PDE5A: variants seen among roughly 807,000 people sequenced by gnomAD.
The protein encoded by PDE5A is phosphodiesterase 5A.
PDE5A carries 67 observed loss-of-function variants against 110.2 expected under a neutral mutation model. The observed-to-expected ratio is 0.61, with a 90% CI of 0.50 to 0.75. The LOEUF (loss-of-function observed/expected upper bound fraction) is 0.75. PDE5A is among the 30% of genes least tolerant of loss of function. The pLI is 0.00. For synonymous variants in PDE5A, 328 were observed against 351.2 expected (o/e 0.93, Z 0.74); for missense variants, 862 against 1,045.1 (o/e 0.82, Z 2.42).
chr4:119,585,973 C>T (rs977933721), intron 3 of PDE5A, among the ~76,000 whole-genome samples: 2 of 152,162 alleles, frequency 1.3e-5, no homozygotes, highest in Admixed American at 6.5e-5. Flanking sequence ...GATGATCAAG[C>T]ATAAGTCATG....
At chr4:119,546,460 A>G (rs1377122750) in intron 9 of PDE5A, among the ~76,000 whole-genome samples, 2 of 152,100 alleles carry the variant, frequency 1.3e-5, no homozygotes, top group Non-Finnish European at 2.9e-5. Context: ...TGTTTCATCA[A>G]TCTTGGCATG....
intron 3 of PDE5A, among the ~76,000 whole-genome samples, chr4:119,578,751 G>C (rs1391934945): frequency 6.6e-6 from 1 of 152,084 alleles, no homozygotes; most frequent in Non-Finnish European, 1.5e-5. Context: ...GAAAACCTAG[G>C]CAATACCATT....
Position 119,596,633 on chromosome 4 carries a change from C to A in PDE5A, c.742-21G>T, listed in dbSNP as rs200409890. ...GGATCCTAGTATGGAAAAAGAAATT[C>A]AATTTAATGACTGACCTGTTCAAAG... On this transcript the variant is annotated intron_variant, in intron 2 of 20. Coordinates refer to ENST00000354960, the MANE Select transcript of PDE5A (RefSeq NM_001083.4). The A allele has an allele frequency of 3.2e-5, 44 of 1,356,460 alleles. No individual in the cohort carries two copies. The South Asian group carries it at 5.3e-4, about 16-fold the overall frequency. 84.0% of individuals were successfully genotyped at this position (1,356,460 alleles called of 1,614,324 possible). A position where few individuals can be genotyped will look rare whatever the true frequency, so the allele number is the denominator to read the frequency against.
chr4:119,512,262 T>C (rs907532517), intron 14 of PDE5A: 2 of 152,106 alleles, frequency 1.3e-5, no homozygotes, highest in East Asian at 3.9e-4. Flanking sequence ...ATTCTTATTG[T>C]TTAAAGTGTT....
At chr4:119,569,448 T>C (rs1172928554) in intron 3 of PDE5A, among the ~76,000 whole-genome samples, 3 of 152,144 alleles carry the variant, frequency 2.0e-5, no homozygotes, top group Middle Eastern at 3.4e-3. Flanking sequence ...ATGCATTATA[T>C]ACATGTAACA....
chr4:119,615,864 T>C (rs1729923961), intron 1 of PDE5A, among the ~76,000 whole-genome samples: 1 of 152,122 alleles, frequency 6.6e-6, no homozygotes, highest in African/African-American at 2.4e-5. Flanking sequence ...AAGCTATTAA[T>C]GAAAGACAAC....
At chr4:119,535,589 T>A (rs1031874145) in intron 11 of PDE5A, among the ~76,000 whole-genome samples, 1 of 152,156 alleles carries the variant, frequency 6.6e-6, no homozygotes, top group Non-Finnish European at 1.5e-5. Flanking sequence ...TATTATTATC[T>A]CCGCAACTTG....
At chr4:119,613,394 T>A (rs1452561138) in intron 1 of PDE5A, among the ~76,000 whole-genome samples, 1 of 152,172 alleles carries the variant, frequency 6.6e-6, no homozygotes, top group Non-Finnish European at 1.5e-5. Context: ...GAACGAATTA[T>A]TCCCATAAGA....
chr4:119,516,614 T>G (rs1283979867), intron 14 of PDE5A, among the ~76,000 whole-genome samples: 1 of 151,630 alleles, frequency 6.6e-6, no homozygotes, highest in Non-Finnish European at 1.5e-5. Flanking sequence ...TCAGTATCTA[T>G]CTGAGATCAT....
rs184349758 is a variant in PDE5A at position 119,596,264 on chromosome 4, C to T, written c.831+259G>A. On this transcript the variant is annotated intron_variant, in intron 3 of 20. Coordinates refer to ENST00000354960, the MANE Select transcript of PDE5A (RefSeq NM_001083.4). ...AATTACATATCTTAAGATAGAATAA[C>T]GCCTTCAGGAAGAGGGGAGGTAGAA... Among the ~76,000 whole-genome samples, 27 of 151,856 alleles carry T rather than the reference C, an allele frequency of 1.8e-4. 1 individual carries two copies. The highest frequency in any genetic ancestry group is 4.8e-4 in the African/African-American group (20 of 41,434).
intron 7 of PDE5A, among the ~76,000 whole-genome samples, chr4:119,559,459 G>A (rs566392211): frequency 6.6e-6 from 1 of 152,136 alleles, no homozygotes; most frequent in East Asian, 1.9e-4. Flanking sequence ...TGGAGGTAAA[G>A]GTAAATATAT....
intron 1 of PDE5A, among the ~76,000 whole-genome samples, chr4:119,623,172 T>A (rs1396228301): frequency 6.6e-6 from 1 of 152,220 alleles, no homozygotes; most frequent in African/African-American, 2.4e-5. Flanking sequence ...CACAGGCACT[T>A]TTCCCTGAGA....
At chr4:119,542,359 C>T in intron 10 of PDE5A, 100 bp downstream of exon 10, 1 of 1,069,080 alleles carries the variant, frequency 9.4e-7, no homozygotes, top group Non-Finnish European at 1.4e-6. Context: ...TTGGTGAGGA[C>T]ACAATGACGG....
rs778735126 is a variant in PDE5A, at chr4:119,542,543, G to C, written c.1488C>G (p.Val496=). ...TCTGGATCCCCAAGCCACAAAAGAT[G>C]ACAAAAGCTTCCAGAAACTGTTCGT... The part of the protein sequence containing the change: ...RNDEQFLEAF[V]IFCGLGIQNT... Residue 496 remains valine (V), a synonymous_variant, in exon 10 of 21, where the codon GTC becomes GTG. Transcript: ENST00000354960. 1 of 1,613,976 alleles carries C rather than the reference G, an allele frequency of 6.2e-7. No homozygotes were observed. The highest frequency in any genetic ancestry group is 8.5e-7 in the Non-Finnish European group (1 of 1,179,934).
chr4:119,544,696 G>A (rs17292047), intron 9 of PDE5A, among the ~76,000 whole-genome samples: 17,894 of 152,008 alleles, frequency 0.12, 1,178 homozygotes, highest in Non-Finnish European at 0.15. Flanking sequence ...ATTACTACAC[G>A]TATAGCAAGA....
intron 3 of PDE5A, among the ~76,000 whole-genome samples, chr4:119,586,791 TAC>T (rs1728779886): frequency 6.6e-6 from 1 of 152,206 alleles, no homozygotes; most frequent in Non-Finnish European, 1.5e-5. Context: ...ATCTTGAAAT[TAC>T]CAATGAAGAT....
intron 5 of PDE5A, among the ~76,000 whole-genome samples, chr4:119,563,255 G>T (rs1578779235): frequency 1.3e-5 from 2 of 152,182 alleles, no homozygotes; most frequent in South Asian, 4.1e-4. Flanking sequence ...TCAACATGGG[G>T]ATATTAATGA....
intron 19 of PDE5A, 75 bp from the exon 20 acceptor site, chr4:119,501,328 TGA>T (rs1725323080): frequency 1.1e-6 from 1 of 895,850 alleles, no homozygotes; most frequent in Admixed American, 2.0e-5. Context: ...TATTATTTTT[TGA>T]GATGGAGTCT....
chr4:119,523,406 CATG>C (rs1255706413), intron 12 of PDE5A, among the ~76,000 whole-genome samples: 2 of 152,060 alleles, frequency 1.3e-5, no homozygotes, highest in Non-Finnish European at 2.9e-5. Context: ...ACAACAGCTT[CATG>C]ATGTTAACAT....
Sources: allele counts gnomAD v4.1 joint callset (sites outside exome capture counted in the v4.1 genomes callset), GRCh38; gene constraint gnomAD v4.1.1; transcripts MANE v1.5; gene names NCBI Gene and HGNC (gene_info 2026-07-23, HGNC 2026-07-21).